TRPC4: variants seen among roughly 807,000 people sequenced by gnomAD.
TRPC4 encodes the protein short transient receptor potential channel 4.
A neutral mutation model predicts 99.4 loss-of-function variants in TRPC4; 49 were observed. The observed-to-expected ratio is 0.49, with a 90% CI of 0.39 to 0.63. The LOEUF (loss-of-function observed/expected upper bound fraction) is 0.63. Ranked by LOEUF, TRPC4 falls within the 20% of genes least tolerant of loss-of-function variation. The probability of loss-of-function intolerance (pLI) is 0.00; values close to 1 mark genes in which losing one functional copy is unlikely to be tolerated. For missense variants in TRPC4, 898 were observed against 1,152.9 expected, an observed-to-expected ratio of 0.78 and a Z score of 3.20; for synonymous variants, 454 against 425.9, an observed-to-expected ratio of 1.07 and a Z score of -0.81.
At chr13:37,753,555 AAGAAAGAGAGAGAGAG>A (rs1955997208) in intron 2 of TRPC4, among the ~76,000 whole-genome samples, 1 of 79,036 alleles carries the variant, frequency 1.3e-5, no homozygotes, top group African/African-American at 3.7e-5. Context: ...GAGACAGAGA[AAGAAAGAGAGAGAGAG>A]AGAAAGAGAG....
chr13:37,689,221 C>CA (rs1048291208), intron 4 of TRPC4, among the ~76,000 whole-genome samples: 16 of 152,242 alleles, frequency 1.1e-4, no homozygotes, highest in Admixed American at 2.6e-4. Flanking sequence ...TAGATGAAGA[C>CA]ACTGAAAATC....
At chr13:37,658,382 C>T (rs1952314729) in intron 6 of TRPC4, among the ~76,000 whole-genome samples, 1 of 151,956 alleles carries the variant, frequency 6.6e-6, no homozygotes, top group East Asian at 1.9e-4. Context: ...AGCTTGTTTC[C>T]CTGATTATAT....
intron 1 of TRPC4, among the ~76,000 whole-genome samples, chr13:37,842,638 C>T (rs1419454013): frequency 6.6e-6 from 1 of 152,108 alleles, no homozygotes; most frequent in Non-Finnish European, 1.5e-5. Flanking sequence ...GCTGTGTTCC[C>T]ACATGGTGAA....
chr13:37,869,537 G>A (rs1404615385), intron 1 of TRPC4, 58 bp downstream of exon 1: 6 of 152,244 alleles, frequency 3.9e-5, no homozygotes, highest in Non-Finnish European at 8.8e-5. Flanking sequence ...CGAGATCCCA[G>A]AAAGAAGGCG....
At chr13:37,703,986 G>A (rs952374773) in intron 3 of TRPC4, among the ~76,000 whole-genome samples, 5 of 152,106 alleles carry the variant, frequency 3.3e-5, no homozygotes, top group Non-Finnish European at 7.4e-5. Context: ...GACTGGATAA[G>A]CAAAATATGG....
chr13:37,803,714 A>G (rs557002370), intron 1 of TRPC4, among the ~76,000 whole-genome samples: 10 of 152,164 alleles, frequency 6.6e-5, no homozygotes, highest in African/African-American at 2.4e-4. Context: ...ATGAAGATCC[A>G]TTAATGTGTT....
At chr13:37,788,766 A>T (rs2139376328) in intron 1 of TRPC4, among the ~76,000 whole-genome samples, 1 of 152,266 alleles carries the variant, frequency 6.6e-6, no homozygotes, top group East Asian at 1.9e-4. Flanking sequence ...CATATGTTTT[A>T]AAATATCCTA....
intron 4 of TRPC4, among the ~76,000 whole-genome samples, chr13:37,682,191 G>A (rs1231331357): frequency 6.6e-6 from 1 of 152,146 alleles, no homozygotes; most frequent in Non-Finnish European, 1.5e-5. Context: ...TTTCACCTAT[G>A]GCAACCTCCA....
At chr13:37,705,979 T>C (rs2138958892) in intron 3 of TRPC4, among the ~76,000 whole-genome samples, 1 of 152,276 alleles carries the variant, frequency 6.6e-6, no homozygotes, top group South Asian at 2.1e-4. Flanking sequence ...TCAACTCCGC[T>C]TCAGATTCCC....
chr13:37,738,582 G>T (rs904480240), intron 3 of TRPC4, among the ~76,000 whole-genome samples: 1 of 152,142 alleles, frequency 6.6e-6, no homozygotes, highest in African/African-American at 2.4e-5. Flanking sequence ...TAACTAGTTT[G>T]AAAGTGGGAT....
chr13:37,646,067 T>G (rs925888530), intron 8 of TRPC4, among the ~76,000 whole-genome samples: 2 of 152,222 alleles, frequency 1.3e-5, no homozygotes, highest in African/African-American at 4.8e-5. Flanking sequence ...ATAAATGAAG[T>G]CTGAGAGGCA....
chr13:37,713,099 G>A (rs1367117573), intron 3 of TRPC4, among the ~76,000 whole-genome samples: 3 of 152,100 alleles, frequency 2.0e-5, no homozygotes, highest in Admixed American at 6.6e-5. Context: ...GGAATCTGAC[G>A]ACCATGGAAG....
intron 3 of TRPC4, among the ~76,000 whole-genome samples, chr13:37,727,943 A>G (rs1955115787): frequency 6.6e-6 from 1 of 152,136 alleles, no homozygotes; most frequent in African/African-American, 2.4e-5. Context: ...TTAAAAAATC[A>G]TACTATTTTC....
chr13:37,656,971 T>A (rs1952259071), intron 6 of TRPC4, among the ~76,000 whole-genome samples: 1 of 152,184 alleles, frequency 6.6e-6, no homozygotes, highest in Non-Finnish European at 1.5e-5. Context: ...ATTCTTTGCA[T>A]GTTTTTTTAT....
intron 7 of TRPC4, among the ~76,000 whole-genome samples, chr13:37,653,352 T>C (rs1952112204): frequency 6.6e-6 from 1 of 151,620 alleles, no homozygotes; most frequent in East Asian, 1.9e-4. Flanking sequence ...AATTTTCCTC[T>C]TTTTCATGGT....
At chr13:37,647,589 C>T (rs528736945) in intron 8 of TRPC4, among the ~76,000 whole-genome samples, 4 of 152,196 alleles carry the variant, frequency 2.6e-5, no homozygotes, top group African/African-American at 4.8e-5. Flanking sequence ...CAATTTCCCC[C>T]TGCTCTGTCT....
intron 2 of TRPC4, among the ~76,000 whole-genome samples, chr13:37,772,746 G>A (rs1956591511): frequency 6.6e-6 from 1 of 151,696 alleles, no homozygotes; most frequent in African/African-American, 2.4e-5. Context: ...CCAAATAACT[G>A]CCTCCAACAT....
chr13:37,746,227 A>C lies in TRPC4; in HGVS notation c.607T>G (p.Leu203Val), dbSNP rs199646123. The C allele has an allele frequency of 1.1e-5, 17 of 1,613,848 alleles. No individual in the cohort carries two copies. The highest frequency in any genetic ancestry group is 1.7e-5 in the Admixed American group (1 of 59,976). Residue 203 changes from leucine (L) to valine (V), a missense_variant, in exon 3 of 11, where the codon TTG (leucine) becomes GTG (valine). Coordinates refer to ENST00000379705, the MANE Select transcript of TRPC4 (RefSeq NM_016179.4). ...SRSRLNIYKA[L>V]ASPSLIALSS... is the part of the protein sequence containing the mutation. ...AGTGCAATGAGAGAGGGACTGGCCA[A>C]GGCCTTGTAGATGTTGAGTCTGGAG...
intron 1 of TRPC4, among the ~76,000 whole-genome samples, chr13:37,859,405 A>T (rs1390464827): frequency 1.3e-5 from 2 of 151,336 alleles, no homozygotes; most frequent in African/African-American, 4.8e-5. Flanking sequence ...TCCAAATGTC[A>T]AACAGTAGAA....
Sources: gnomAD v4.1 joint callset for allele counts (sites outside exome capture counted in the v4.1 genomes callset) on GRCh38, gnomAD v4.1.1 for gene constraint, MANE v1.5 for transcripts, NCBI Gene and HGNC (gene_info 2026-07-23, HGNC 2026-07-21) for gene names.